Variants in STAG1 observed in about 807,000 individuals in gnomAD.
The protein encoded by STAG1 is cohesin subunit SA-1.
STAG1 carries 26 observed loss-of-function variants against 170.9 expected under a neutral mutation model. The observed-to-expected ratio is 0.15, with a 90% confidence interval of 0.11 to 0.21. STAG1 has a LOEUF of 0.21. STAG1 is among the 10% of genes least tolerant of loss of function. STAG1 has a pLI of 1.00. For synonymous variants in STAG1, 514 were observed against 497.7 expected (o/e 1.03, Z -0.44); for missense variants, 964 against 1,509.5 (o/e 0.64, Z 5.99).
chr3:136,491,183 T>G (rs148764104), intron 9 of STAG1, among the ~76,000 whole-genome samples: 1 of 152,066 alleles, frequency 6.6e-6, no homozygotes, highest in South Asian at 2.1e-4. Flanking sequence ...AGTGGCTTGA[T>G]CATAGTTCAC....
intron 9 of STAG1, among the ~76,000 whole-genome samples, chr3:136,488,073 T>G (rs1221934834): frequency 6.6e-6 from 1 of 152,258 alleles, no homozygotes; most frequent in Non-Finnish European, 1.5e-5. Flanking sequence ...TAGAACCAGC[T>G]AGCTGGGCTA....
intron 1 of STAG1, among the ~76,000 whole-genome samples, chr3:136,673,352 G>A (rs928100407): frequency 2.0e-5 from 3 of 152,116 alleles, no homozygotes; most frequent in South Asian, 2.1e-4. Context: ...TTCACTGTAT[G>A]ACACGGTTGA....
chr3:136,692,784 C>T (rs571302779), intron 1 of STAG1, among the ~76,000 whole-genome samples: 2 of 152,194 alleles, frequency 1.3e-5, no homozygotes, highest in African/African-American at 2.4e-5. Flanking sequence ...AATTATTAAA[C>T]CTTCAGCTTT....
intron 4 of STAG1, among the ~76,000 whole-genome samples, chr3:136,582,171 A>G (rs1241424068): frequency 6.9e-6 from 1 of 145,652 alleles, no homozygotes; most frequent in Non-Finnish European, 1.5e-5. Flanking sequence ...GCTATAGGAA[A>G]ACATTTAATC....
intron 29 of STAG1, among the ~76,000 whole-genome samples, chr3:136,346,476 C>T (rs1936225933): frequency 6.6e-6 from 1 of 152,092 alleles, no homozygotes; most frequent in Non-Finnish European, 1.5e-5. Flanking sequence ...CTCAAATTGA[C>T]AAAAAAGTTT....
chr3:136,650,400 C>G (rs759528438), intron 1 of STAG1, among the ~76,000 whole-genome samples: 36 of 152,026 alleles, frequency 2.4e-4, no homozygotes, highest in Admixed American at 2.0e-3. Context: ...TATTTCTAAA[C>G]AGTGAAATTA....
In STAG1 at chr3:136,493,657, A is replaced by G. The variant is rs200618706; in HGVS notation, c.902+6566T>C. Among the ~76,000 whole-genome samples, 215 of 113,342 alleles carry G rather than the reference A, an allele frequency of 1.9e-3. 5 individuals carry two copies. Among genetic ancestry groups the G allele is most frequent in the East Asian group, 0.016 (68 of 4,198 alleles). The allele number at this position is 113,342 out of a possible 152,430, so 74.4% of individuals were successfully genotyped here. Reference sequence around the variant, plus strand: ...ACAACAGAGCGAGATCCTGTCTCCGAAAAAAAAAAAAAAAAAACAACACAA... The same window carrying G: ...ACAACAGAGCGAGATCCTGTCTCCGGAAAAAAAAAAAAAAAAACAACACAA... On this transcript the variant is annotated intron_variant, in intron 9 of 33. Coordinates refer to ENST00000383202, the MANE Select transcript of STAG1 (RefSeq NM_005862.3).
intron 14 of STAG1, among the ~76,000 whole-genome samples, chr3:136,449,622 G>A (rs970656736): frequency 6.6e-6 from 1 of 151,762 alleles, no homozygotes; most frequent in Non-Finnish European, 1.5e-5. Context: ...TTCTAATTCT[G>A]TTGTAAGACT....
At chr3:136,398,463 T>A (rs1335483051) in intron 22 of STAG1, among the ~76,000 whole-genome samples, 3 of 152,104 alleles carry the variant, frequency 2.0e-5, no homozygotes, top group African/African-American at 7.2e-5. Flanking sequence ...AGAGCTCTTG[T>A]GTCTACTACA....
intron 15 of STAG1, among the ~76,000 whole-genome samples, chr3:136,436,312 C>A (rs2107751204): frequency 6.6e-6 from 1 of 151,584 alleles, no homozygotes; most frequent in East Asian, 2.0e-4. Flanking sequence ...AGTGGAGTCT[C>A]ACTCTGTCAC....
intron 6 of STAG1, among the ~76,000 whole-genome samples, chr3:136,539,423 C>T (rs538462622): frequency 3.3e-5 from 5 of 152,224 alleles, no homozygotes; most frequent in Non-Finnish European, 7.4e-5. Flanking sequence ...ACAAAAATCA[C>T]GCAATTTATC....
Position 136,747,093 on chromosome 3 carries a change from TAAAAAAAAAAAAAAAA to T in STAG1, c.-84+5086_-84+5101del, listed in dbSNP as rs71134408. On this transcript the variant is annotated intron_variant, in intron 1 of 33. Transcript: ENST00000383202. The stretch of plus-strand genomic sequence containing the variant: ...CCTGGGCAACAAGAGTGAAACTGTC[TAAAAAAAAAAAAAAAA>T]AAAAAAAAAAAAAATTAGCCGGGCA... 2.1e-3 allele frequency among the ~76,000 whole-genome samples: 126 copies of T among 59,326 alleles called. 1 individual carries two copies. Among genetic ancestry groups the T allele is most frequent in the Middle Eastern group, 9.4e-3 (1 of 106 alleles). The allele number at this position is 59,326 out of a possible 152,430, so 38.9% of individuals were successfully genotyped here. A position where few individuals can be genotyped will look rare whatever the true frequency, so the allele number is the denominator to read the frequency against.
At chr3:136,642,264 CTTTTTTTTTTTTTTTTT>C (rs10592920) in intron 1 of STAG1, among the ~76,000 whole-genome samples, 2 of 84,954 alleles carry the variant, frequency 2.4e-5, no homozygotes, top group African/African-American at 4.2e-5. Context: ...GACAGAATTT[CTTTTTTTTTTTTTTTTT>C]TTTTTTTTTT....
rs549604250 is a variant in STAG1, at chr3:136,444,683, A to G, written c.1429-1279T>C. 9.2e-5 allele frequency among the ~76,000 whole-genome samples: 14 copies of G among 152,354 alleles called. No individual in the cohort carries two copies. In the East Asian group the frequency reaches 2.7e-3, roughly 29 times the overall value. On this transcript the variant is annotated intron_variant, in intron 14 of 33. Coordinates refer to ENST00000383202, the MANE Select transcript of STAG1 (RefSeq NM_005862.3). ...ACTATTTCATTAACTGTAATCTGTT[A>G]TATGTGCTTGTACTTGTCAGAGAAA...
chr3:136,450,761 T>C (rs1342432039), intron 14 of STAG1, among the ~76,000 whole-genome samples: 1 of 152,224 alleles, frequency 6.6e-6, no homozygotes, highest in Admixed American at 6.5e-5. Context: ...TTAATTTTTT[T>C]TGAGACAGAA....
intron 2 of STAG1, among the ~76,000 whole-genome samples, chr3:136,628,810 T>C (rs1047246471): frequency 5.3e-5 from 8 of 152,240 alleles, no homozygotes; most frequent in African/African-American, 1.9e-4. Context: ...CTTCCCGGAA[T>C]ATAAAATGTA....
chr3:136,627,865 A>G (rs1940174418), intron 2 of STAG1, among the ~76,000 whole-genome samples: 1 of 152,132 alleles, frequency 6.6e-6, no homozygotes, highest in Non-Finnish European at 1.5e-5. Context: ...CAGGGTAACT[A>G]GTTTATCATC....
intron 6 of STAG1, among the ~76,000 whole-genome samples, chr3:136,522,055 G>T (rs963432725): frequency 2.6e-4 from 39 of 152,264 alleles, no homozygotes; most frequent in African/African-American, 8.2e-4. Context: ...AAAACGTAGA[G>T]TACAACCCAA....
intron 4 of STAG1, among the ~76,000 whole-genome samples, chr3:136,584,474 T>C (rs1333682794): frequency 1.3e-5 from 2 of 152,184 alleles, no homozygotes; most frequent in Non-Finnish European, 2.9e-5. Flanking sequence ...TTTAGGACCC[T>C]TGCCAGGATT....
Sources: allele counts gnomAD v4.1 joint callset (sites outside exome capture counted in the v4.1 genomes callset), GRCh38; gene constraint gnomAD v4.1.1; transcripts MANE v1.5; gene names NCBI Gene and HGNC (gene_info 2026-07-23, HGNC 2026-07-21).